LARS2: variants seen among roughly 807,000 people sequenced by gnomAD.
LARS2 encodes leucyl-tRNA synthetase 2, mitochondrial.
In LARS2, 81 loss-of-function variants were observed where a neutral mutation model predicts 116.6. The ratio of observed to expected loss-of-function variants is 0.69; its 90% CI spans 0.58 to 0.84. The LOEUF is 0.84. Among genes scored for constraint, LARS2 ranks in the 40% least tolerant of loss-of-function variants. The pLI is 0.00. For synonymous variants in LARS2, 396 were observed against 407.2 expected (o/e 0.97, Z 0.33); for missense variants, 968 against 1,114.5 (o/e 0.87, Z 1.87).
At chr3:45,391,348 G>A (rs1004209735) in intron 1 of LARS2, among the ~76,000 whole-genome samples, 2 of 151,952 alleles carry the variant, frequency 1.3e-5, no homozygotes, top group African/African-American at 2.4e-5. Context: ...AGCCGGGTGT[G>A]GTGGCGGGCG....
intron 7 of LARS2, among the ~76,000 whole-genome samples, chr3:45,451,090 T>G (rs1699119790): frequency 6.6e-6 from 1 of 152,184 alleles, no homozygotes; most frequent in African/African-American, 2.4e-5. Context: ...CCTTATATAT[T>G]CTGGTTATTA....
Position 45,474,292 on chromosome 3 carries a change from G to A in LARS2, c.800G>A (p.Gly267Asp), listed in dbSNP as rs909085466. 3 of 1,611,640 alleles carry A rather than the reference G, an allele frequency of 1.9e-6. No individual in the cohort carries two copies. Among genetic ancestry groups the A allele is most frequent in the Non-Finnish European group, 2.5e-6 (3 of 1,178,258 alleles). ...ADLPEWYGIK[G>D]MQAHWIGDCV... ...CTTCCAGAATGGTATGGAATAAAAG[G>A]CATGCAAGCCCACTGGATTGGGGAC... is the stretch of plus-strand genomic sequence containing the variant. The change falls in exon 9 of 22, where the codon GGC becomes GAC. Residue 267 changes from glycine (G) to aspartate (D), a missense_variant. By Grantham distance (94) the Gly-to-Asp change is moderately conservative (BLOSUM62 -1). Transcript: ENST00000645846.
At chr3:45,522,059 G>T (rs1028527439) in intron 19 of LARS2, among the ~76,000 whole-genome samples, 4 of 152,066 alleles carry the variant, frequency 2.6e-5, no homozygotes, top group African/African-American at 9.7e-5. Flanking sequence ...TGAGCTGTTT[G>T]GTGCCACTGT....
intron 6 of LARS2, among the ~76,000 whole-genome samples, chr3:45,427,427 A>G (rs1698612770): frequency 6.6e-6 from 1 of 152,202 alleles, no homozygotes; most frequent in Non-Finnish European, 1.5e-5. Flanking sequence ...AGAAAAAGGA[A>G]TCTTAGGAAT....
chr3:45,398,797 G>A (rs1698093942), intron 3 of LARS2, among the ~76,000 whole-genome samples: 1 of 152,170 alleles, frequency 6.6e-6, no homozygotes, highest in African/African-American at 2.4e-5. Context: ...AACTCCTGCT[G>A]GCACTGGGGG....
At chr3:45,458,542 T>C (rs1699253201) in intron 7 of LARS2, among the ~76,000 whole-genome samples, 1 of 151,928 alleles carries the variant, frequency 6.6e-6, no homozygotes, top group South Asian at 2.1e-4. Flanking sequence ...AATACAAAAT[T>C]AGTCAGGTGT....
chr3:45,477,127 C>A (rs1252965059), intron 10 of LARS2, among the ~76,000 whole-genome samples: 1 of 152,150 alleles, frequency 6.6e-6, no homozygotes, highest in African/African-American at 2.4e-5. Context: ...TTTTAACATA[C>A]CTGCTTTATG....
chr3:45,416,841 G>A (rs761254543), intron 4 of LARS2, among the ~76,000 whole-genome samples: 3 of 152,150 alleles, frequency 2.0e-5, no homozygotes, highest in African/African-American at 7.2e-5. Context: ...TTAGGAGGCC[G>A]ATGCGGGCGG....
intron 10 of LARS2, 41 bp from the exon 11 acceptor site, chr3:45,485,651 T>C: frequency 8.8e-7 from 1 of 1,141,548 alleles, no homozygotes; most frequent in Non-Finnish European, 1.3e-6. Flanking sequence ...TGTTGGTGTC[T>C]CAGTTGAGTG....
chr3:45,476,775 C>T (rs770799901), intron 10 of LARS2, 148 bp downstream of exon 10: 1 of 756,468 alleles, frequency 1.3e-6, no homozygotes, highest in Non-Finnish European at 2.1e-6. Context: ...TATTTTGAAA[C>T]ATGAGGATAA....
At chr3:45,449,741 A>G (rs1252288690) in intron 7 of LARS2, among the ~76,000 whole-genome samples, 1 of 152,260 alleles carries the variant, frequency 6.6e-6, no homozygotes, top group African/African-American at 2.4e-5. Flanking sequence ...ATTTCAAAAT[A>G]CAAATTTTTG....
At chr3:45,513,301 C>T in intron 16 of LARS2, 66 bp downstream of exon 16, 1 of 1,064,972 alleles carries the variant, frequency 9.4e-7, no homozygotes, top group Non-Finnish European at 1.5e-6. Flanking sequence ...CTGAGAGCTA[C>T]TGAGCAAGCA....
At chr3:45,496,412 T>C (rs1202312990) in intron 14 of LARS2, 39 bp downstream of exon 14, 2 of 1,447,824 alleles carry the variant, frequency 1.4e-6, no homozygotes, top group South Asian at 2.3e-5. Flanking sequence ...CATTTGTCAG[T>C]GTGGCTCCTC....
intron 15 of LARS2, among the ~76,000 whole-genome samples, chr3:45,509,199 G>A (rs2125747409): frequency 6.6e-6 from 1 of 152,196 alleles, no homozygotes; most frequent in East Asian, 1.9e-4. Context: ...AGAACGGTTT[G>A]TTAGTGGTTT....
At chr3:45,513,737 G>A (rs10470617) in intron 16 of LARS2, among the ~76,000 whole-genome samples, 127,632 of 152,012 alleles carry the variant, frequency 0.84, 56,020 homozygotes, top group East Asian at 0.98. Context: ...CTGATTCCCC[G>A]AACTTCCCTC....
At chr3:45,453,402 G>T (rs550135161) in intron 7 of LARS2, among the ~76,000 whole-genome samples, 1 of 152,322 alleles carries the variant, frequency 6.6e-6, no homozygotes, top group East Asian at 1.9e-4. Flanking sequence ...GGACATTCTA[G>T]GGAATGAGGG....
intron 20 of LARS2, 87 bp from the exon 21 acceptor site, chr3:45,541,742 C>T: frequency 6.6e-7 from 1 of 1,524,058 alleles, no homozygotes; most frequent in Non-Finnish European, 8.9e-7. Context: ...CCAAGCCAGG[C>T]TGTGTTGGGA....
intron 6 of LARS2, among the ~76,000 whole-genome samples, chr3:45,430,994 G>A (rs1358943503): frequency 1.3e-5 from 2 of 152,154 alleles, no homozygotes; most frequent in Non-Finnish European, 2.9e-5. Flanking sequence ...GCCCTTGGGA[G>A]ATAATTAGGT....
At chr3:45,489,238 A>G (rs972063921) in intron 12 of LARS2, among the ~76,000 whole-genome samples, 1 of 152,178 alleles carries the variant, frequency 6.6e-6, no homozygotes, top group Non-Finnish European at 1.5e-5. Context: ...GGTCAGGGTT[A>G]TCTCTTGCTA....
Sources: allele counts gnomAD v4.1 joint callset (sites outside exome capture counted in the v4.1 genomes callset), GRCh38; gene constraint gnomAD v4.1.1; transcripts MANE v1.5; gene names NCBI Gene and HGNC (gene_info 2026-07-23, HGNC 2026-07-21).